CAMK1D: variants seen among roughly 807,000 people sequenced by gnomAD.
CAMK1D encodes the protein calcium/calmodulin dependent protein kinase ID.
In CAMK1D, 9 loss-of-function variants were observed where a neutral mutation model predicts 47.7. The ratio of observed to expected loss-of-function variants is 0.19; its 90% CI spans 0.11 to 0.33. The LOEUF is 0.33. CAMK1D is among the 10% of genes least tolerant of loss of function. The probability of loss-of-function intolerance (pLI) is 1.00; values close to 1 mark genes in which losing one functional copy is unlikely to be tolerated. For missense variants in CAMK1D, 291 were observed against 488.7 expected, an observed-to-expected ratio of 0.60 and a Z score of 3.81; for synonymous variants, 184 against 184.9, an observed-to-expected ratio of 0.99 and a Z score of 0.04.
chr10:12,453,718 T>C (rs1262512046), intron 1 of CAMK1D, among the ~76,000 whole-genome samples: 1 of 152,206 alleles, frequency 6.6e-6, no homozygotes, highest in Non-Finnish European at 1.5e-5. Flanking sequence ...ACTTCTGACT[T>C]ACATGGACTT....
chr10:12,462,306 C>T (rs557084393), intron 1 of CAMK1D, among the ~76,000 whole-genome samples: 33 of 151,676 alleles, frequency 2.2e-4, no homozygotes, highest in African/African-American at 6.3e-4. Context: ...ACTGGGACTA[C>T]GGGCACGCGC....
At chr10:12,556,059 G>A (rs757735008) in intron 2 of CAMK1D, among the ~76,000 whole-genome samples, 1 of 152,138 alleles carries the variant, frequency 6.6e-6, no homozygotes, top group African/African-American at 2.4e-5. Flanking sequence ...ACCTGGAAGC[G>A]TGACCCCTCT....
At chr10:12,471,761 G>C (rs1193385685) in intron 1 of CAMK1D, among the ~76,000 whole-genome samples, 2 of 152,164 alleles carry the variant, frequency 1.3e-5, no homozygotes, top group East Asian at 3.9e-4. Flanking sequence ...GCCAGGTGTG[G>C]TGGCTCATAC....
intron 6 of CAMK1D, among the ~76,000 whole-genome samples, chr10:12,793,702 A>G (rs1345803149): frequency 2.0e-5 from 3 of 152,270 alleles, no homozygotes; most frequent in Admixed American, 2.0e-4. Flanking sequence ...TTTCTAATCC[A>G]GTCACTGGCA....
intron 2 of CAMK1D, among the ~76,000 whole-genome samples, chr10:12,578,261 T>C (rs1369234673): frequency 2.6e-5 from 4 of 152,014 alleles, no homozygotes; most frequent in Non-Finnish European, 5.9e-5. Flanking sequence ...AAATGTTTTG[T>C]AGGGCTGGGC....
chr10:12,577,825 C>T (rs775983053), intron 2 of CAMK1D, among the ~76,000 whole-genome samples: 3 of 152,230 alleles, frequency 2.0e-5, no homozygotes, highest in South Asian at 2.1e-4. Flanking sequence ...TCCTTCCCCA[C>T]CCACGTGGTG....
intron 2 of CAMK1D, among the ~76,000 whole-genome samples, chr10:12,647,829 AC>A (rs1839853491): frequency 6.6e-6 from 1 of 152,154 alleles, no homozygotes; most frequent in Non-Finnish European, 1.5e-5. Context: ...TTCTGAAGCA[AC>A]TTTGAATGCA....
intron 3 of CAMK1D, among the ~76,000 whole-genome samples, chr10:12,689,682 A>C (rs1425647273): frequency 6.6e-6 from 1 of 152,086 alleles, no homozygotes; most frequent in Non-Finnish European, 1.5e-5. Context: ...AGGCTAAGGC[A>C]GGAGAATCGC....
At chr10:12,604,093 C>T (rs1373804616) in intron 2 of CAMK1D, among the ~76,000 whole-genome samples, 1 of 130,734 alleles carries the variant, frequency 7.6e-6, no homozygotes, top group African/African-American at 2.5e-5. Context: ...ATACTGGGAT[C>T]GCTCCTGTCA....
At chr10:12,417,948 CCTG>C (rs1839910886) in intron 1 of CAMK1D, among the ~76,000 whole-genome samples, 1 of 152,138 alleles carries the variant, frequency 6.6e-6, no homozygotes, top group East Asian at 1.9e-4. Context: ...ATTACAGGCG[CCTG>C]CCACCACACC....
chr10:12,359,740 C>A (rs1837607601), intron 1 of CAMK1D, among the ~76,000 whole-genome samples: 1 of 152,144 alleles, frequency 6.6e-6, no homozygotes, highest in South Asian at 2.1e-4. Context: ...GATTTGATGA[C>A]TCAAGGAACT....
At chr10:12,365,507 C>T (rs1042735749) in intron 1 of CAMK1D, among the ~76,000 whole-genome samples, 1 of 151,834 alleles carries the variant, frequency 6.6e-6, no homozygotes, top group Non-Finnish European at 1.5e-5. Flanking sequence ...GGCGCAATCT[C>T]GGCTCACTGC....
chr10:12,685,249 C>T (rs1487266063), intron 3 of CAMK1D, among the ~76,000 whole-genome samples: 2 of 152,148 alleles, frequency 1.3e-5, no homozygotes, highest in African/African-American at 2.4e-5. Flanking sequence ...TGCAGTGAGC[C>T]GAGATCATGC....
chr10:12,771,086 T>A (rs1837017313), intron 5 of CAMK1D, among the ~76,000 whole-genome samples: 1 of 152,068 alleles, frequency 6.6e-6, no homozygotes, highest in South Asian at 2.1e-4. Flanking sequence ...CCTGCCACCA[T>A]GTCAGGCTAA....
chr10:12,463,423 C>T (rs899149573), intron 1 of CAMK1D, among the ~76,000 whole-genome samples: 6 of 152,164 alleles, frequency 3.9e-5, no homozygotes, highest in Non-Finnish European at 7.3e-5. Context: ...CAGGTGTGAG[C>T]CACTGCACTT....
chr10:12,470,389 T>A (rs2815605), intron 1 of CAMK1D, among the ~76,000 whole-genome samples: 1 of 152,030 alleles, frequency 6.6e-6, no homozygotes. Flanking sequence ...TCAACACAAT[T>A]GCTTTTGTAT....
intron 1 of CAMK1D, among the ~76,000 whole-genome samples, chr10:12,369,584 A>G (rs1196636531): frequency 1.3e-5 from 2 of 152,194 alleles, no homozygotes; most frequent in Non-Finnish European, 2.9e-5. Flanking sequence ...CTCAGTGAGT[A>G]TATAATGAGT....
At chr10:12,663,532 G>C (rs1840339776) in intron 2 of CAMK1D, among the ~76,000 whole-genome samples, 1 of 152,108 alleles carries the variant, frequency 6.6e-6, no homozygotes, top group African/African-American at 2.4e-5. Flanking sequence ...CTGATTTCTG[G>C]TAAGTGTGAG....
intron 6 of CAMK1D, among the ~76,000 whole-genome samples, chr10:12,793,569 A>T (rs955608313): frequency 6.6e-6 from 1 of 152,272 alleles, no homozygotes; most frequent in Non-Finnish European, 1.5e-5. Context: ...GAAGTCCAAG[A>T]TCAAGGTATC....
Sources: gnomAD v4.1 joint callset for allele counts (sites outside exome capture counted in the v4.1 genomes callset) on GRCh38, gnomAD v4.1.1 for gene constraint, MANE v1.5 for transcripts, NCBI Gene and HGNC (gene_info 2026-07-23, HGNC 2026-07-21) for gene names.